Variants in NAT10 observed in about 807,000 individuals in gnomAD.
NAT10 encodes the protein N-acetyltransferase 10, also known as RNA cytidine acetyltransferase.
A neutral mutation model predicts 132.2 loss-of-function variants in NAT10; 109 were observed. The observed-to-expected ratio is 0.82, with a 90% CI of 0.71 to 0.97. NAT10 has a LOEUF of 0.97. NAT10 is among the 50% of genes least tolerant of loss of function. NAT10 has a pLI of 0.00. For synonymous variants in NAT10, 479 were observed against 478.0 expected (o/e 1.00, Z -0.03); for missense variants, 1,184 against 1,263.4 (o/e 0.94, Z 0.95).
Position 34,140,428 on chromosome 11 carries a change from C to T in NAT10, c.2448C>T (p.Leu816=). The change falls in exon 24 of 29, where the codon CTC becomes CTT. Residue 816 remains leucine (L), a synonymous_variant. Transcript: ENST00000257829. ...TGAGCCGGGAGGAGCTGGAAGCACT[C>T]TTCCTCCCCTATGACCTGAAGCGGC... ...PALSREELEA[L]FLPYDLKRLE... 1 of 1,614,070 alleles carries T rather than the reference C, an allele frequency of 6.2e-7. No homozygotes were observed. The highest frequency in any genetic ancestry group is 1.1e-5 in the South Asian group (1 of 91,084).
chr11:34,132,994 GCTT>G (rs1483996657), intron 15 of NAT10, 29 bp from the exon 16 acceptor site: 2 of 1,548,742 alleles, frequency 1.3e-6, no homozygotes, highest in South Asian at 2.2e-5. Context: ...GAGGAAGAGT[GCTT>G]CTCACTGACC....
At chr11:34,120,143 G>GTTTTTTTTTTTTTTTTT (rs771235436) in intron 8 of NAT10, among the ~76,000 whole-genome samples, 1 of 94,152 alleles carries the variant, frequency 1.1e-5, no homozygotes, top group Non-Finnish European at 1.9e-5. Flanking sequence ...GTTGCTGTTG[G>GTTTTTTTTTTTTTTTTT]TTTTTTTTTT....
rs749352009 is a variant in NAT10, at chr11:34,118,391, G to A, written c.673-5G>A. 1.2e-6 allele frequency: 2 copies of A among 1,613,498 alleles called. No individual in the cohort carries two copies. Among genetic ancestry groups the A allele is most frequent in the Non-Finnish European group, 1.7e-6 (2 of 1,179,510 alleles). On this transcript the variant is annotated splice_region_variant and splice_polypyrimidine_tract_variant and intron_variant, in intron 7 of 28. Transcript: ENST00000257829. ...CAGACCTTCCCCTTCTCCTCTCTCT[G>A]GTAGGATGAGAGTCTTGGTCCTTCT...
chr11:34,144,307 G>T (rs2467374), intron 28 of NAT10, among the ~76,000 whole-genome samples: 2,551 of 152,008 alleles, frequency 0.017, 50 homozygotes, highest in African/African-American at 0.058. Context: ...GAAAAACTGA[G>T]AAATTTAAAA....
intron 8 of NAT10, among the ~76,000 whole-genome samples, chr11:34,122,241 T>G (rs1350617124): frequency 1.3e-5 from 2 of 152,136 alleles, no homozygotes; most frequent in Admixed American, 1.3e-4. Context: ...ATTTGAGTTA[T>G]CAGCATCTAT....
Position 34,127,473 on chromosome 11 carries a change from C to T in NAT10, c.1118C>T (p.Pro373Leu), listed in dbSNP as rs1442829245. Residue 373 changes from proline (P) to leucine (L), a missense_variant, in exon 12 of 29, where the codon CCT becomes CTT. By Grantham distance (98) the Pro-to-Leu change is moderately conservative. Transcript: ENST00000257829. The part of the protein sequence containing the change: ...EHRQTIQYIH[P>L]ADAVKLGQAE... ...TTTCCTTCCCCATAGTATATACATC[C>T]TGCAGATGCTGTGAAGCTGGGCCAG... 4.3e-6 allele frequency: 7 copies of T among 1,613,646 alleles called. No homozygotes were observed. Among genetic ancestry groups the T allele is most frequent in the African/African-American group, 1.3e-5 (1 of 74,926 alleles).
intron 11 of NAT10, among the ~76,000 whole-genome samples, chr11:34,125,628 G>A (rs1387389570): frequency 6.6e-6 from 1 of 152,152 alleles, no homozygotes; most frequent in Non-Finnish European, 1.5e-5. Context: ...AAGAAGACAA[G>A]ATCTGGGGCC....
At position 34,133,132 on chromosome 11, in the gene NAT10, C is replaced by T; in HGVS notation, c.1724C>T (p.Ala575Val). Residue 575 changes from alanine to valine, a missense_variant, in exon 16 of 29, where the codon GCT becomes GTT. Ala to Val is a moderately conservative substitution (Grantham distance 64). Coordinates refer to ENST00000257829, the MANE Select transcript of NAT10 (RefSeq NM_024662.3). Reference sequence around the variant, plus strand: ...CAGAATGCCCTTCCAGAAGTGCTTGCTGTTATCCAGGTATAGGAGCAGAGG... The same window carrying T: ...CAGAATGCCCTTCCAGAAGTGCTTGTTGTTATCCAGGTATAGGAGCAGAGG... Reference protein sequence around the residue: ...PTQNALPEVLAVIQVCLEGEI... With the variant: ...PTQNALPEVLVVIQVCLEGEI... 1 of 1,612,652 alleles carries T rather than the reference C, an allele frequency of 6.2e-7. No homozygotes were observed. Among genetic ancestry groups the T allele is most frequent in the Non-Finnish European group, 8.5e-7 (1 of 1,178,636 alleles).
chr11:34,124,446 T>G, intron 11 of NAT10, 46 bp downstream of exon 11: 1 of 1,352,940 alleles, frequency 7.4e-7, no homozygotes. Context: ...AGTGTCTTGC[T>G]GTATTTAACT....
At chr11:34,144,030 T>C (rs910621090) in intron 28 of NAT10, among the ~76,000 whole-genome samples, 3 of 152,244 alleles carry the variant, frequency 2.0e-5, no homozygotes, top group African/African-American at 7.2e-5. Flanking sequence ...TTGTCCTTCC[T>C]TTGAGCCAGC....
chr11:34,146,697 T>C lies in NAT10; in HGVS notation c.*505T>C, dbSNP rs1852448593. The C allele has an allele frequency of 6.5e-6, 1 of 154,312 alleles. No homozygotes were observed. Among genetic ancestry groups the C allele is most frequent in the Non-Finnish European group, 1.4e-5 (1 of 69,462 alleles). The allele number at this position is 154,312 out of a possible 1,614,324, so 9.6% of individuals were successfully genotyped here. A position where few individuals can be genotyped will look rare whatever the true frequency, so the allele number is the denominator to read the frequency against. On this transcript the variant is annotated 3_prime_UTR_variant, in exon 29 of 29. Coordinates refer to ENST00000257829, the MANE Select transcript of NAT10 (RefSeq NM_024662.3). Reference sequence around the variant, plus strand: ...GCCCGCGGTTAGGTGCGCCAGGGTTTGCTGATGTTGTCTTGTGCTGTTCCA... The same window carrying C: ...GCCCGCGGTTAGGTGCGCCAGGGTTCGCTGATGTTGTCTTGTGCTGTTCCA...
At chr11:34,116,612 T>G (rs1386459806) in intron 6 of NAT10, among the ~76,000 whole-genome samples, 2 of 152,004 alleles carry the variant, frequency 1.3e-5, no homozygotes, top group Non-Finnish European at 2.9e-5. Context: ...ATTATTTTTT[T>G]GAGACAGAGT....
intron 19 of NAT10, 27 bp from the exon 20 acceptor site, chr11:34,136,615 T>A (rs758198286): frequency 6.2e-7 from 1 of 1,614,104 alleles, no homozygotes; most frequent in South Asian, 1.1e-5. Flanking sequence ...CTGAATGGAC[T>A]GTGTTCTCTC....
At chr11:34,126,233 GT>G (rs1851991383) in intron 11 of NAT10, among the ~76,000 whole-genome samples, 1 of 152,176 alleles carries the variant, frequency 6.6e-6, no homozygotes, top group Admixed American at 6.5e-5. Context: ...TACAGTTGAA[GT>G]CCCTCAACCC....
chr11:34,141,581 A>C, intron 25 of NAT10, 138 bp from the exon 26 acceptor site: 1 of 741,296 alleles, frequency 1.3e-6, no homozygotes, highest in Non-Finnish European at 2.2e-6. Context: ...GCTAATATCC[A>C]CATTCCTAAA....
In NAT10 at chr11:34,143,466, T is replaced by C. The variant is rs143368924; in HGVS notation, c.2907T>C (p.Asp969=). Reference sequence around the variant, plus strand: ...TTAGATACATAATCCGTGGGGACGATGAAGAGTGGAATGAAGTTTTGAACA... The same window carrying C: ...TTAGATACATAATCCGTGGGGACGACGAAGAGTGGAATGAAGTTTTGAACA... ...DLSEYIIRGD[D]EEWNEVLNKA... is the part of the protein sequence containing the mutation. Residue 969 remains aspartate (D), a synonymous_variant, in exon 28 of 29, where the codon GAT becomes GAC. Transcript: ENST00000257829. 1,396 of 1,614,112 alleles carry C rather than the reference T, an allele frequency of 8.6e-4. 3 individuals carry two copies. Among genetic ancestry groups the C allele is most frequent in the Non-Finnish European group, 1.1e-3 (1,263 of 1,179,984 alleles).
At chr11:34,134,125 C>T (rs1181256054) in intron 16 of NAT10, among the ~76,000 whole-genome samples, 194 bp from the exon 17 acceptor site, 4 of 152,156 alleles carry the variant, frequency 2.6e-5, no homozygotes, top group African/African-American at 9.7e-5. Context: ...GATAGCACCA[C>T]TGCACTCCAG....
At chr11:34,136,524 C>G in intron 19 of NAT10, 118 bp from the exon 20 acceptor site, 2 of 1,259,440 alleles carry the variant, frequency 1.6e-6, no homozygotes, top group South Asian at 2.8e-5. Flanking sequence ...AGCAATAAAC[C>G]AAGAAACCTC....
intron 21 of NAT10, 108 bp downstream of exon 21, chr11:34,137,134 A>G: frequency 8.0e-7 from 1 of 1,249,738 alleles, no homozygotes; most frequent in Non-Finnish European, 1.2e-6. Context: ...CGCTCTGAGC[A>G]GGTGGCTGTG....
Sources: gnomAD v4.1 joint callset for allele counts (sites outside exome capture counted in the v4.1 genomes callset) on GRCh38, gnomAD v4.1.1 for gene constraint, MANE v1.5 for transcripts, NCBI Gene and HGNC (gene_info 2026-07-23, HGNC 2026-07-21) for gene names.